IP6K2: variants seen among roughly 807,000 people sequenced by gnomAD.
The protein encoded by IP6K2 is inositol hexakisphosphate kinase 2, also known as ATP:1D-myo-inositol-hexakisphosphate phosphotransferase.
Under a neutral mutation model 43.3 loss-of-function variants are expected in IP6K2, and 9 were observed. That is an observed-to-expected ratio of 0.21 (90% CI 0.13 to 0.36). The LOEUF is 0.36. Ranked by LOEUF, IP6K2 falls within the 10% of genes least tolerant of loss-of-function variation. The probability of loss-of-function intolerance (pLI) is 1.00; values close to 1 mark genes in which losing one functional copy is unlikely to be tolerated. For missense variants in IP6K2, 332 were observed against 538.4 expected, an observed-to-expected ratio of 0.62 and a Z score of 3.79; for synonymous variants, 209 against 202.4, an observed-to-expected ratio of 1.03 and a Z score of -0.28.
chr3:48,716,702 T>C (rs1487165249), intron 1 of IP6K2, among the ~76,000 whole-genome samples: 1 of 152,180 alleles, frequency 6.6e-6, no homozygotes, highest in Non-Finnish European at 1.5e-5. Context: ...TAACAGTACC[T>C]GAGGCGCTGA....
intron 1 of IP6K2, among the ~76,000 whole-genome samples, chr3:48,712,424 T>G (rs1161964210): frequency 1.3e-5 from 2 of 151,704 alleles, no homozygotes; most frequent in African/African-American, 4.8e-5. Context: ...TTGTATTTTT[T>G]TTTAGTAGAG....
chr3:48,696,926 C>T (rs962572658), intron 1 of IP6K2, among the ~76,000 whole-genome samples: 2 of 152,156 alleles, frequency 1.3e-5, no homozygotes, highest in Admixed American at 6.6e-5. Flanking sequence ...GGAAATTCAC[C>T]CAGGGCCAGA....
intron 5 of IP6K2, 48 bp downstream of exon 5, chr3:48,689,490 G>T: frequency 6.4e-7 from 1 of 1,564,856 alleles, no homozygotes; most frequent in Non-Finnish European, 8.7e-7. Context: ...CCAGGGTGGG[G>T]AAGTGACAGC....
chr3:48,693,756 C>G (rs931168389), intron 2 of IP6K2: 27 of 1,037,658 alleles, frequency 2.6e-5, no homozygotes, highest in Middle Eastern at 4.8e-4. Flanking sequence ...CGGGTAGGCA[C>G]CCAGGCCTTT....
intron 1 of IP6K2, among the ~76,000 whole-genome samples, chr3:48,705,880 AAAAT>A (rs1464356639): frequency 7.4e-6 from 1 of 135,506 alleles, no homozygotes; most frequent in Non-Finnish European, 1.6e-5. Flanking sequence ...AAAAAATAAA[AAAAT>A]AAAAAATAAT....
At chr3:48,715,234 C>A in intron 1 of IP6K2, 1 of 1,417,586 alleles carries the variant, frequency 7.1e-7, no homozygotes, top group Non-Finnish European at 9.6e-7. Context: ...GATTATCCCA[C>A]TAGGTGAAAT....
At chr3:48,694,307 C>T in intron 2 of IP6K2, 2 of 1,551,072 alleles carry the variant, frequency 1.3e-6, no homozygotes, top group South Asian at 1.2e-5. Flanking sequence ...CCGCAATACA[C>T]ATGCATATTC....
chr3:48,712,394 C>A (rs956995228), intron 1 of IP6K2, among the ~76,000 whole-genome samples: 1 of 151,768 alleles, frequency 6.6e-6, no homozygotes, highest in African/African-American at 2.4e-5. Context: ...AGGCACCCAC[C>A]ACCACACCCG....
chr3:48,714,332 G>A (rs906331356), intron 1 of IP6K2, among the ~76,000 whole-genome samples: 4 of 151,552 alleles, frequency 2.6e-5, no homozygotes, highest in Admixed American at 6.6e-5. Flanking sequence ...CTCCCGAAGC[G>A]TTGGTGTTAC....
chr3:48,691,514 T>G, intron 3 of IP6K2, 32 bp from the exon 4 acceptor site: 1 of 1,542,036 alleles, frequency 6.5e-7, no homozygotes, highest in East Asian at 2.3e-5. Flanking sequence ...TAAATCAGTA[T>G]GTCTTATCAG....
intron 2 of IP6K2, chr3:48,694,511 G>T: frequency 6.5e-7 from 1 of 1,538,306 alleles, no homozygotes; most frequent in Non-Finnish European, 8.7e-7. Flanking sequence ...CCATGCTGGT[G>T]GCTGCTGATG....
At chr3:48,692,692 C>G (rs1332730573) in intron 3 of IP6K2, among the ~76,000 whole-genome samples, 2 of 152,220 alleles carry the variant, frequency 1.3e-5, no homozygotes, top group Admixed American at 1.3e-4. Flanking sequence ...ATCTCCAGAA[C>G]ACAGCCTAGC....
Position 48,695,606 on chromosome 3 carries a change from A to C in IP6K2, c.-130-185T>G, listed in dbSNP as rs1206462847. On this transcript the variant is annotated intron_variant, in intron 1 of 5. Coordinates refer to ENST00000328631, the MANE Select transcript of IP6K2 (RefSeq NM_016291.4). This position sits in a 1 kb window ranked among gnomAD's most constrained non-coding sequence, Gnocchi z 4.6. ...AGAAAAACAAAAACACTATGAGCTC[A>C]TGGGGCGGGGTTAGATGCAGACAGG... 2 of 705,742 alleles carry C rather than the reference A, an allele frequency of 2.8e-6. No individual in the cohort carries two copies. Among genetic ancestry groups the C allele is most frequent in the East Asian group, 6.6e-5 (2 of 30,394 alleles). The allele number at this position is 705,742 out of a possible 1,614,324, so 43.7% of individuals were successfully genotyped here.
rs372064416 is a variant in IP6K2 at position 48,695,110 on chromosome 3, T to G, written c.182A>C (p.Lys61Thr). The G allele has an allele frequency of 5.6e-6, 9 of 1,612,924 alleles. No homozygotes were observed. The highest frequency in any genetic ancestry group is 7.6e-6 in the Non-Finnish European group (9 of 1,179,042). ...CTTACCTTTGTACTGGGGAGTGAAT[T>G]TGCGCATCTCAGCAGGGAGGGTCTC... The part of the protein sequence containing the change: ...FYETLPAEMR[K>T]FTPQYKGVVS... Residue 61 changes from lysine (K) to threonine (T), a missense_variant, in exon 2 of 6, where the codon AAA becomes ACA. Transcript: ENST00000328631. The surrounding 1 kb of genome is among the most constrained non-coding windows in gnomAD (Gnocchi z 4.6).
At chr3:48,715,714 CTTT>C (rs1210821366) in intron 1 of IP6K2, among the ~76,000 whole-genome samples, 3 of 142,010 alleles carry the variant, frequency 2.1e-5, no homozygotes, top group African/African-American at 5.2e-5. Context: ...CTCTCTCTCT[CTTT>C]TTTTTTTTTT....
At position 48,695,575 on chromosome 3, in the gene IP6K2, T is replaced by G; in HGVS notation, c.-130-154A>C. 1 of 1,062,864 alleles carries G rather than the reference T, an allele frequency of 9.4e-7. No individual in the cohort carries two copies. Among genetic ancestry groups the G allele is most frequent in the Non-Finnish European group, 1.2e-6 (1 of 829,960 alleles). The allele number at this position is 1,062,864 out of a possible 1,614,324, so 65.8% of individuals were successfully genotyped here. ...GCCACCCACCTTGGCCCCCGCCTTC[T>G]CCGGCAGAAAAACAAAAACACTATG... is the stretch of plus-strand genomic sequence containing the variant. On this transcript the variant is annotated intron_variant, in intron 1 of 5. Coordinates refer to ENST00000328631, the MANE Select transcript of IP6K2 (RefSeq NM_016291.4). This position sits in a 1 kb window ranked among gnomAD's most constrained non-coding sequence, Gnocchi z 4.6.
At chr3:48,715,244 TA>T (rs2081064861) in intron 1 of IP6K2, 3 of 1,503,782 alleles carry the variant, frequency 2.0e-6, no homozygotes, top group Non-Finnish European at 1.8e-6. Context: ...CTAGGTGAAA[TA>T]ACTTCACTTA....
chr3:48,713,470 G>A (rs980800172), intron 1 of IP6K2, among the ~76,000 whole-genome samples: 1 of 152,256 alleles, frequency 6.6e-6, no homozygotes. Context: ...ATCTAGCCCA[G>A]GTTCCAACTG....
chr3:48,711,395 A>T (rs2107060577), intron 1 of IP6K2: 1 of 152,346 alleles, frequency 6.6e-6, no homozygotes, highest in South Asian at 2.1e-4. Flanking sequence ...GAGACCCTGG[A>T]AGTTGCTGTG....
Sources: allele counts gnomAD v4.1 joint callset (sites outside exome capture counted in the v4.1 genomes callset), GRCh38; gene constraint gnomAD v4.1.1; non-coding constraint Gnocchi (gnomAD v3.1); transcripts MANE v1.5; gene names NCBI Gene and HGNC (gene_info 2026-07-23, HGNC 2026-07-21).